The following GLRA3 variants were observed in gnomAD, a reference collection of about 807,000 sequenced individuals.
The protein encoded by GLRA3 is glycine receptor alpha 3, also known as glycine receptor subunit alpha-3.
Under a neutral mutation model 60.4 loss-of-function variants are expected in GLRA3, and 44 were observed. The observed-to-expected ratio is 0.73, with a 90% confidence interval of 0.57 to 0.94. The LOEUF (loss-of-function observed/expected upper bound fraction) is 0.94. GLRA3 is among the 40% of genes least tolerant of loss of function. GLRA3 has a pLI of 0.00. For synonymous variants in GLRA3, 223 were observed against 192.9 expected, an observed-to-expected ratio of 1.16 and a Z score of -1.29; for missense variants, 508 against 564.6, an observed-to-expected ratio of 0.90 and a Z score of 1.02.
intron 3 of GLRA3, among the ~76,000 whole-genome samples, chr4:174,732,382 A>T (rs1245200094): frequency 1.3e-5 from 2 of 152,034 alleles, no homozygotes; most frequent in African/African-American, 4.8e-5. Flanking sequence ...AAAAAGGAAA[A>T]ATTAACATTG....
At chr4:174,775,393 A>G (rs1385838) in intron 2 of GLRA3, among the ~76,000 whole-genome samples, 111,514 of 152,078 alleles carry the variant, frequency 0.73, 41,187 homozygotes, top group East Asian at 0.99. Flanking sequence ...AGAAAGAGTC[A>G]ATTTGTGATG....
chr4:174,652,578 T>C (rs951919056), intron 9 of GLRA3, among the ~76,000 whole-genome samples: 1 of 129,984 alleles, frequency 7.7e-6, no homozygotes, highest in Non-Finnish European at 1.7e-5. Context: ...AATTTAAAAC[T>C]GACAAAAAAA....
At chr4:174,750,856 G>A (rs1467666311) in intron 3 of GLRA3, among the ~76,000 whole-genome samples, 1 of 151,932 alleles carries the variant, frequency 6.6e-6, no homozygotes, top group Non-Finnish European at 1.5e-5. Context: ...AATAACACTG[G>A]GAAATAAAGG....
chr4:174,750,085 G>A (rs1044070768), intron 3 of GLRA3, among the ~76,000 whole-genome samples: 3 of 150,976 alleles, frequency 2.0e-5, no homozygotes, highest in Non-Finnish European at 3.0e-5. Flanking sequence ...TCTGAAAGCA[G>A]CTAGAAAGCC....
At chr4:174,714,707 T>A (rs1056254935) in intron 5 of GLRA3, among the ~76,000 whole-genome samples, 1 of 152,196 alleles carries the variant, frequency 6.6e-6, no homozygotes, top group African/African-American at 2.4e-5. Flanking sequence ...CCCCCTCGGA[T>A]AACATACTGT....
rs557991969 is a variant in GLRA3 at position 174,708,660 on chromosome 4, A to C, written c.574+6828T>G. On this transcript the variant is annotated intron_variant, in intron 5 of 9. Transcript: ENST00000274093. ...TGTTGCCCGGGCTGCAGTGCAATAC[A>C]TTCCTCTTTAGATATGAACTACAGA... 4.1e-5 allele frequency among the ~76,000 whole-genome samples: 6 copies of C among 147,788 alleles called. No individual in the cohort carries two copies. In the South Asian group the frequency reaches 1.1e-3, roughly 26 times the overall value.
chr4:174,655,313 T>G (rs1365645844), intron 9 of GLRA3, among the ~76,000 whole-genome samples: 1 of 152,116 alleles, frequency 6.6e-6, no homozygotes, highest in Non-Finnish European at 1.5e-5. Flanking sequence ...TTTCAACAAG[T>G]CAAAGAAAAC....
intron 5 of GLRA3, among the ~76,000 whole-genome samples, chr4:174,683,368 T>G (rs76212516): frequency 6.6e-6 from 1 of 152,068 alleles, no homozygotes; most frequent in East Asian, 1.9e-4. Context: ...TTTTTTTTTT[T>G]GAGACGGAGT....
intron 8 of GLRA3, 59 bp from the exon 9 acceptor site, chr4:174,656,846 T>C (rs891377341): frequency 4.4e-6 from 4 of 915,950 alleles, no homozygotes; most frequent in African/African-American, 1.6e-5. Flanking sequence ...AATTCATATA[T>C]GATTAAATAT....
intron 1 of GLRA3, among the ~76,000 whole-genome samples, chr4:174,798,195 G>T (rs1416478338): frequency 2.0e-5 from 3 of 152,148 alleles, no homozygotes; most frequent in African/African-American, 4.8e-5. Flanking sequence ...ATGACTCTTG[G>T]GGAACAAATC....
intron 3 of GLRA3, among the ~76,000 whole-genome samples, chr4:174,738,149 T>A (rs2111162481): frequency 6.6e-6 from 1 of 152,360 alleles, no homozygotes; most frequent in South Asian, 2.1e-4. Context: ...AGGAATTAAC[T>A]TCTTTTAGAA....
chr4:174,716,215 G>A (rs1413082353), intron 4 of GLRA3, among the ~76,000 whole-genome samples: 1 of 152,118 alleles, frequency 6.6e-6, no homozygotes, highest in Admixed American at 6.6e-5. Context: ...CCCGGTGTGG[G>A]ATAAGGGAAT....
At chr4:174,776,108 G>A (rs6553828) in intron 2 of GLRA3, among the ~76,000 whole-genome samples, 111,434 of 151,938 alleles carry the variant, frequency 0.73, 41,148 homozygotes, top group East Asian at 0.99. Context: ...CGGTTGCCTG[G>A]TATTTAGCCC....
At chr4:174,714,933 A>AT (rs981071501) in intron 5 of GLRA3, among the ~76,000 whole-genome samples, 2 of 152,146 alleles carry the variant, frequency 1.3e-5, no homozygotes, top group Admixed American at 6.5e-5. Flanking sequence ...AGTGTGAGAC[A>AT]TTTTTTCTTC....
intron 2 of GLRA3, 67 bp from the exon 3 acceptor site, chr4:174,767,097 T>C: frequency 1.3e-6 from 1 of 790,926 alleles, no homozygotes; most frequent in South Asian, 1.5e-5. Flanking sequence ...AATAATTCCT[T>C]GCATTCCATT....
chr4:174,671,635 C>T (rs1733912694), intron 7 of GLRA3, among the ~76,000 whole-genome samples: 2 of 151,826 alleles, frequency 1.3e-5, no homozygotes, highest in Admixed American at 6.6e-5. Flanking sequence ...AAAAGCTATC[C>T]TCATTATTTT....
chr4:174,820,461 T>G (rs957883767), intron 1 of GLRA3, among the ~76,000 whole-genome samples: 1 of 152,160 alleles, frequency 6.6e-6, no homozygotes, highest in Admixed American at 6.6e-5. Context: ...ACTGGGAATG[T>G]ATTTTGGTCC....
chr4:174,675,044 ACCT>A (rs887842301), intron 7 of GLRA3, among the ~76,000 whole-genome samples: 3 of 151,980 alleles, frequency 2.0e-5, no homozygotes, highest in African/African-American at 7.2e-5. Context: ...ATTATGCCAA[ACCT>A]CCTATTCCTG....
intron 2 of GLRA3, among the ~76,000 whole-genome samples, chr4:174,788,158 C>A (rs1257805328): frequency 1.3e-5 from 2 of 151,988 alleles, no homozygotes; most frequent in East Asian, 1.9e-4. Context: ...AATATTTTAC[C>A]ATTAAAGTGA....
Sources: allele counts gnomAD v4.1 joint callset (sites outside exome capture counted in the v4.1 genomes callset), GRCh38; gene constraint gnomAD v4.1.1; transcripts MANE v1.5; gene names NCBI Gene and HGNC (gene_info 2026-07-23, HGNC 2026-07-21).